The following CAMTA1 variants were observed in gnomAD, a reference collection of about 807,000 sequenced individuals.
CAMTA1 encodes calmodulin binding transcription activator 1, also known as calmodulin-binding transcription activator 1.
CAMTA1 carries 27 observed loss-of-function variants against 170.9 expected under a neutral mutation model. The observed-to-expected ratio is 0.16, with a 90% CI of 0.12 to 0.22. CAMTA1 has a LOEUF of 0.22. Among genes scored for constraint, CAMTA1 ranks in the 10% least tolerant of loss-of-function variants. The pLI is 1.00. For synonymous variants in CAMTA1, 833 were observed against 891.5 expected (o/e 0.93, Z 1.17); for missense variants, 1,619 against 2,217.2 (o/e 0.73, Z 5.42).
intron 5 of CAMTA1, among the ~76,000 whole-genome samples, chr1:7,276,056 T>G (rs1032359094): frequency 6.6e-6 from 1 of 151,690 alleles, no homozygotes; most frequent in Admixed American, 6.6e-5. Context: ...TTAATTATGT[T>G]GATTGAAGGT....
intron 1 of CAMTA1, among the ~76,000 whole-genome samples, chr1:6,799,824 AC>A (rs1643462749): frequency 6.6e-6 from 1 of 152,086 alleles, no homozygotes; most frequent in Admixed American, 6.6e-5. Flanking sequence ...CTATTTTTGG[AC>A]CTTAGTTGAC....
intron 3 of CAMTA1, among the ~76,000 whole-genome samples, chr1:7,016,299 T>A (rs1287949306): frequency 6.6e-6 from 1 of 152,136 alleles, no homozygotes; most frequent in East Asian, 1.9e-4. Flanking sequence ...ACATGTTCTC[T>A]TGGTGAATTT....
At chr1:6,983,539 A>G (rs1299995979) in intron 3 of CAMTA1, among the ~76,000 whole-genome samples, 2 of 152,194 alleles carry the variant, frequency 1.3e-5, no homozygotes, top group Non-Finnish European at 2.9e-5. Flanking sequence ...GTCTTTATAT[A>G]TTCATGTTAA....
Position 7,635,680 on chromosome 1 carries a change from A to G in CAMTA1, c.511-4720A>G, listed in dbSNP as rs1043402375. Among the ~76,000 whole-genome samples the G allele has an allele frequency of 6.6e-6, 1 of 151,182 alleles. No individual in the cohort carries two copies. The highest frequency in any genetic ancestry group is 2.4e-5 in the African/African-American group (1 of 41,104). ...TGCCGTGACTCTCAGATCCAGGCCC[A>G]ACCCGGGCATTCCTGCAGGCCGCCC... is the stretch of plus-strand genomic sequence containing the variant. On this transcript the variant is annotated intron_variant, in intron 6 of 22. Coordinates refer to ENST00000303635, the MANE Select transcript of CAMTA1 (RefSeq NM_015215.4). This position sits in a 1 kb window ranked among gnomAD's most constrained non-coding sequence, Gnocchi z 4.4.
At chr1:7,626,705 C>G (rs1315313140) in intron 6 of CAMTA1, among the ~76,000 whole-genome samples, 1 of 152,202 alleles carries the variant, frequency 6.6e-6, no homozygotes, top group Admixed American at 6.5e-5. Flanking sequence ...TCCTCACTCT[C>G]TACCTGTCTG....
chr1:7,076,458 A>G (rs1301342290), intron 3 of CAMTA1, among the ~76,000 whole-genome samples: 1 of 151,978 alleles, frequency 6.6e-6, no homozygotes, highest in Admixed American at 6.6e-5. Flanking sequence ...CTTTCATCTT[A>G]CTCCTTGATA....
chr1:7,280,728 C>T (rs1002946876), intron 5 of CAMTA1, among the ~76,000 whole-genome samples: 13 of 152,182 alleles, frequency 8.5e-5, no homozygotes, highest in South Asian at 2.1e-4. Flanking sequence ...ACTATAGTTG[C>T]GCATTTTTCA....
At chr1:7,528,488 G>A (rs921891760) in intron 6 of CAMTA1, among the ~76,000 whole-genome samples, 7 of 152,028 alleles carry the variant, frequency 4.6e-5, no homozygotes, top group South Asian at 2.1e-4. Flanking sequence ...AGAGGGCCCC[G>A]GAGATCTGGC....
intron 5 of CAMTA1, among the ~76,000 whole-genome samples, chr1:7,406,667 G>A (rs1163741046): frequency 6.6e-6 from 1 of 152,004 alleles, no homozygotes; most frequent in Non-Finnish European, 1.5e-5. Context: ...CATGCACACA[G>A]AGAGATGCAT....
intron 6 of CAMTA1, among the ~76,000 whole-genome samples, chr1:7,583,027 C>A (rs901208986): frequency 7.2e-5 from 11 of 152,082 alleles, no homozygotes; most frequent in African/African-American, 2.7e-4. Flanking sequence ...AGTGCACACG[C>A]TCCAGAACCT....
At chr1:7,029,098 G>A (rs903321598) in intron 3 of CAMTA1, among the ~76,000 whole-genome samples, 1 of 152,100 alleles carries the variant, frequency 6.6e-6, no homozygotes, top group Admixed American at 6.6e-5. Context: ...TATTCTTTAG[G>A]GTTGTTAGAG....
chr1:7,387,135 C>A (rs560159921), intron 5 of CAMTA1, among the ~76,000 whole-genome samples: 1 of 152,126 alleles, frequency 6.6e-6, no homozygotes, highest in Non-Finnish European at 1.5e-5. Flanking sequence ...CAGTCTCCCC[C>A]CTCCAACGGG....
At chr1:6,850,483 A>T (rs1227050338) in intron 3 of CAMTA1, among the ~76,000 whole-genome samples, 1 of 152,214 alleles carries the variant, frequency 6.6e-6, no homozygotes, top group Non-Finnish European at 1.5e-5. Context: ...ACCCACAAAG[A>T]GTGAAAAAGG....
intron 3 of CAMTA1, among the ~76,000 whole-genome samples, chr1:6,969,309 G>A (rs1348714597): frequency 6.6e-6 from 1 of 152,182 alleles, no homozygotes; most frequent in Non-Finnish European, 1.5e-5. Context: ...AGGCGGCAGC[G>A]GGATGCCTGT....
chr1:7,553,271 TTGAG>T (rs1282258281), intron 6 of CAMTA1, among the ~76,000 whole-genome samples: 4 of 150,636 alleles, frequency 2.7e-5, no homozygotes, highest in Non-Finnish European at 5.9e-5. Flanking sequence ...GAGTGAATAA[TTGAG>T]TGAGTGAATG....
rs531158406 is a variant in CAMTA1, at chr1:7,426,549, C to G, written c.439-41281C>G. Among the ~76,000 whole-genome samples, 1 of 152,254 alleles carries G rather than the reference C, an allele frequency of 6.6e-6. No individual in the cohort carries two copies. The highest frequency in any genetic ancestry group is 2.1e-4 in the South Asian group (1 of 4,832). On this transcript the variant is annotated intron_variant, in intron 5 of 22. Transcript: ENST00000303635. The surrounding 1 kb of genome is among the most constrained non-coding windows in gnomAD (Gnocchi z 4.8). Reference sequence around the variant, plus strand: ...AGCAAGGCCTGATTTACATGGAGATCGTTTAAAAGATTAACTTTAGTGAAA... The same window carrying G: ...AGCAAGGCCTGATTTACATGGAGATGGTTTAAAAGATTAACTTTAGTGAAA...
At chr1:7,378,476 C>G (rs112495932) in intron 5 of CAMTA1, among the ~76,000 whole-genome samples, 2 of 152,138 alleles carry the variant, frequency 1.3e-5, no homozygotes, top group Non-Finnish European at 2.9e-5. Flanking sequence ...AACCTGAGGA[C>G]GTATTGCTGA....
At chr1:7,695,099 C>T (rs1383740110) in intron 11 of CAMTA1, among the ~76,000 whole-genome samples, 2 of 152,136 alleles carry the variant, frequency 1.3e-5, no homozygotes, top group Non-Finnish European at 2.9e-5. Flanking sequence ...GAGCTAAAGC[C>T]AGGAGAAACC....
intron 4 of CAMTA1, among the ~76,000 whole-genome samples, chr1:7,214,296 C>T (rs1321499956): frequency 6.6e-6 from 1 of 152,198 alleles, no homozygotes; most frequent in Non-Finnish European, 1.5e-5. Flanking sequence ...TTAATGGTCA[C>T]CATTCTAACT....
Sources: allele counts gnomAD v4.1 joint callset (sites outside exome capture counted in the v4.1 genomes callset), GRCh38; gene constraint gnomAD v4.1.1; non-coding constraint Gnocchi (gnomAD v3.1); transcripts MANE v1.5; gene names NCBI Gene and HGNC (gene_info 2026-07-23, HGNC 2026-07-21).